The following STX7 variants were observed in gnomAD, a reference collection of about 807,000 sequenced individuals.
The protein encoded by STX7 is syntaxin 7, also known as syntaxin-7.
In STX7, 34 loss-of-function variants were observed where a neutral mutation model predicts 39.6. The ratio of observed to expected loss-of-function variants is 0.86; its 90% confidence interval spans 0.65 to 1.14. The LOEUF (loss-of-function observed/expected upper bound fraction) is 1.14, where lower values mean the gene tolerates loss of function less well. Ranked by LOEUF, STX7 falls within the 50% of genes most tolerant of loss-of-function variation. The probability of loss-of-function intolerance (pLI) is 0.00; values close to 1 mark genes in which losing one functional copy is unlikely to be tolerated. For synonymous variants in STX7, 119 were observed against 99.1 expected, an observed-to-expected ratio of 1.20 and a Z score of -1.19; for missense variants, 284 against 310.4, an observed-to-expected ratio of 0.92 and a Z score of 0.64.
intron 2 of STX7, among the ~76,000 whole-genome samples, chr6:132,502,464 TA>T (rs202227068): frequency 4.0e-5 from 6 of 150,204 alleles, no homozygotes; most frequent in African/African-American, 1.2e-4. Flanking sequence ...CAAAAAAAAG[TA>T]AAAAAAAATA....
intron 2 of STX7, among the ~76,000 whole-genome samples, chr6:132,497,040 T>C (rs886664810): frequency 2.0e-5 from 3 of 152,180 alleles, no homozygotes; most frequent in African/African-American, 7.2e-5. Flanking sequence ...TTAGCTGTTA[T>C]CCACAAAAGC....
In STX7 at chr6:132,489,937, A is replaced by C. The variant is rs566163326; in HGVS notation, c.85+13509T>G. Among the ~76,000 whole-genome samples, 452 of 152,382 alleles carry C rather than the reference A, an allele frequency of 3.0e-3. 2 individuals are homozygous for C. The highest frequency in any genetic ancestry group is 5.7e-3 in the Non-Finnish European group (389 of 68,034). ...GGCACAGTTCTTAAAAATAAAGTAC[A>C]AAAACAAGTCATCTAAAATTGTATG... On this transcript the variant is annotated intron_variant, in intron 2 of 9. Transcript: ENST00000367941.
At position 132,503,567 on chromosome 6, in the gene STX7, G is replaced by A. The variant is rs1435976932; in HGVS notation, c.-37C>T. 6.5e-7 allele frequency: 1 copy of A among 1,548,946 alleles called. No individual in the cohort carries two copies. The highest frequency in any genetic ancestry group is 1.7e-5 in the Admixed American group (1 of 59,458). ...TTATTCGCTAATTTCATCAGATGCT[G>A]TGCAGTTTTCTAAGCAGTCACCTAA... On this transcript the variant is annotated 5_prime_UTR_variant, in exon 2 of 10. Coordinates refer to ENST00000367941, the MANE Select transcript of STX7 (RefSeq NM_003569.3).
Position 132,448,278 on chromosome 6 carries a change from C to T in STX7, c.*12480G>A, listed in dbSNP as rs1774061553. 1 of 152,096 alleles carries T rather than the reference C, an allele frequency of 6.6e-6. No homozygotes were observed. Among genetic ancestry groups the T allele is most frequent in the Non-Finnish European group, 1.5e-5 (1 of 68,024 alleles). The allele number at this position is 152,096 out of a possible 1,614,324, so 9.4% of individuals were successfully genotyped here. A position where few individuals can be genotyped will look rare whatever the true frequency, so the allele number is the denominator to read the frequency against. On this transcript the variant is annotated 3_prime_UTR_variant, in exon 10 of 10. Coordinates refer to ENST00000367941, the MANE Select transcript of STX7 (RefSeq NM_003569.3). ...ATATAGACAGTATTTATTTACATTTCCCATGATTACTGATTTTTTAGCTCA... is the reference window on the plus strand; with the variant it reads ...ATATAGACAGTATTTATTTACATTTTCCATGATTACTGATTTTTTAGCTCA...
At position 132,453,369 on chromosome 6, in the gene STX7, T is replaced by G. The variant is rs1432189357; in HGVS notation, c.*7389A>C. ...GGCAAAGTTCTTGATACCAGAAGCA[T>G]GATCCATAAAAAGAAAAATGGATAG... On this transcript the variant is annotated 3_prime_UTR_variant, in exon 10 of 10. Coordinates refer to ENST00000367941, the MANE Select transcript of STX7 (RefSeq NM_003569.3). 1 of 151,982 alleles carries G rather than the reference T, an allele frequency of 6.6e-6. No individual in the cohort carries two copies. The highest frequency in any genetic ancestry group is 2.4e-5 in the African/African-American group (1 of 41,392). 9.4% of individuals were successfully genotyped at this position (151,982 alleles called of 1,614,324 possible). A position where few individuals can be genotyped will look rare whatever the true frequency, so the allele number is the denominator to read the frequency against.
intron 2 of STX7, among the ~76,000 whole-genome samples, chr6:132,487,024 A>G (rs1345891250): frequency 6.6e-6 from 1 of 152,202 alleles, no homozygotes; most frequent in Non-Finnish European, 1.5e-5. Context: ...GATTATGCTG[A>G]CCTGCTAAAA....
At chr6:132,480,466 T>A (rs1354294357) in intron 2 of STX7, among the ~76,000 whole-genome samples, 1 of 152,192 alleles carries the variant, frequency 6.6e-6, no homozygotes, top group Non-Finnish European at 1.5e-5. Context: ...ATTTGTACAA[T>A]TTTTTCCATC....
chr6:132,477,101 G>T (rs898052714), intron 2 of STX7, among the ~76,000 whole-genome samples: 2 of 152,070 alleles, frequency 1.3e-5, no homozygotes, highest in African/African-American at 2.4e-5. Context: ...CTGAAAAACA[G>T]AAACACTAGA....
At chr6:132,492,176 T>C (rs1467054784) in intron 2 of STX7, among the ~76,000 whole-genome samples, 2 of 152,058 alleles carry the variant, frequency 1.3e-5, no homozygotes, top group African/African-American at 2.4e-5. Context: ...TGAGGGCCCA[T>C]GGACATGCTA....
At chr6:132,495,540 G>GA (rs1219368616) in intron 2 of STX7, among the ~76,000 whole-genome samples, 3 of 151,158 alleles carry the variant, frequency 2.0e-5, no homozygotes, top group Non-Finnish European at 4.4e-5. Flanking sequence ...GATTACCCCA[G>GA]AAAAAAAGGA....
intron 3 of STX7, among the ~76,000 whole-genome samples, chr6:132,474,449 G>C (rs1371546559): frequency 1.3e-5 from 2 of 152,006 alleles, no homozygotes; most frequent in East Asian, 3.9e-4. Flanking sequence ...AGAGATAATT[G>C]TAAGTCCTTC....
In STX7 at chr6:132,478,192, A is replaced by T. The variant is rs575772173; in HGVS notation, c.86-2530T>A. On this transcript the variant is annotated intron_variant, in intron 2 of 9. Transcript: ENST00000367941. ...TGTATCCCAGAACTTAAAGTATAAT[A>T]AAAAAAAAGAAAAATGGGCCAAGAA... Among the ~76,000 whole-genome samples, 8 of 151,344 alleles carry T rather than the reference A, an allele frequency of 5.3e-5. No homozygotes were observed. The East Asian group carries it at 1.4e-3, about 26-fold the overall frequency.
chr6:132,472,524 C>T (rs575163098), intron 3 of STX7, 149 bp from the exon 4 acceptor site: 57 of 547,914 alleles, frequency 1.0e-4, no homozygotes, highest in Non-Finnish European at 1.7e-4. Flanking sequence ...AAAAAAATTT[C>T]ATATCCTATT....
At chr6:132,508,429 C>A (rs1013275967) in intron 1 of STX7, among the ~76,000 whole-genome samples, 5 of 152,210 alleles carry the variant, frequency 3.3e-5, no homozygotes, top group African/African-American at 1.2e-4. Context: ...AAAGTTCCTG[C>A]TGGTGAGACA....
At chr6:132,464,279 A>G (rs868492520) in intron 8 of STX7, among the ~76,000 whole-genome samples, 6 of 152,232 alleles carry the variant, frequency 3.9e-5, no homozygotes, top group Admixed American at 1.3e-4. Flanking sequence ...TCCAAACAAT[A>G]TAAGAGCATT....
At chr6:132,483,177 G>A (rs552752414) in intron 2 of STX7, among the ~76,000 whole-genome samples, 23 of 152,120 alleles carry the variant, frequency 1.5e-4, no homozygotes, top group Non-Finnish European at 2.4e-4. Context: ...ACCTCCCAAA[G>A]ACAACAAAAT....
intron 2 of STX7, among the ~76,000 whole-genome samples, chr6:132,493,820 T>C (rs376508446): frequency 1.1e-4 from 16 of 152,340 alleles, no homozygotes; most frequent in African/African-American, 3.1e-4. Flanking sequence ...GCTTAACTTA[T>C]ACTGTTCGAT....
chr6:132,456,023 T>A lies in STX7; in HGVS notation c.*4735A>T, dbSNP rs2114330468. On this transcript the variant is annotated 3_prime_UTR_variant, in exon 10 of 10. Coordinates refer to ENST00000367941, the MANE Select transcript of STX7 (RefSeq NM_003569.3). Reference sequence around the variant, plus strand: ...TCCAAATTCCCCTTGGATCTCACCCTTCTGTCTAGTGCTTTGCCCTCTATT... The same window carrying A: ...TCCAAATTCCCCTTGGATCTCACCCATCTGTCTAGTGCTTTGCCCTCTATT... 1 of 152,340 alleles carries A rather than the reference T, an allele frequency of 6.6e-6. No homozygotes were observed. Among genetic ancestry groups the A allele is most frequent in the Non-Finnish European group, 1.5e-5 (1 of 68,034 alleles). 9.4% of individuals were successfully genotyped at this position (152,340 alleles called of 1,614,324 possible).
intron 5 of STX7, 41 bp downstream of exon 5, chr6:132,471,422 G>GT (rs771252459): frequency 6.3e-7 from 1 of 1,585,162 alleles, no homozygotes; most frequent in South Asian, 1.2e-5. Context: ...CCCTTAGCAA[G>GT]TAACCATGTT....
Sources: gnomAD v4.1 joint callset for allele counts (sites outside exome capture counted in the v4.1 genomes callset) on GRCh38, gnomAD v4.1.1 for gene constraint, MANE v1.5 for transcripts, NCBI Gene and HGNC (gene_info 2026-07-23, HGNC 2026-07-21) for gene names.